PAPOLG: variants seen among roughly 807,000 people sequenced by gnomAD.
The protein encoded by PAPOLG is PAP-gamma.
A neutral mutation model predicts 99.0 loss-of-function variants in PAPOLG; 40 were observed. The observed-to-expected ratio is 0.40, with a 90% CI of 0.31 to 0.53. PAPOLG has a LOEUF of 0.53. Ranked by LOEUF, PAPOLG falls within the 20% of genes least tolerant of loss-of-function variation. The pLI is 0.41. For missense variants in PAPOLG, 675 were observed against 884.1 expected (o/e 0.76, Z 3.00); for synonymous variants, 310 against 299.3 (o/e 1.04, Z -0.37).
At chr2:60,765,972 AACTT>A (rs1387581104) in intron 3 of PAPOLG, among the ~76,000 whole-genome samples, 1 of 152,116 alleles carries the variant, frequency 6.6e-6, no homozygotes, top group Non-Finnish European at 1.5e-5. Context: ...TTAATTTACT[AACTT>A]CTTTCTAGCT....
At chr2:60,778,969 T>C (rs113192745) in intron 8 of PAPOLG, among the ~76,000 whole-genome samples, 312 of 152,140 alleles carry the variant, frequency 2.1e-3, no homozygotes, top group African/African-American at 7.1e-3. Flanking sequence ...ACCCCTGTAA[T>C]CATAGCTACG....
rs1456344524 is a variant in PAPOLG, at chr2:60,772,381, A to C, written c.604+751A>C. ...AGGATCACCTGAGCCCCCGAGGTGGAGGCTGCAGTGAGCCGTGATTACGCC... is the reference window on the plus strand; with the variant it reads ...AGGATCACCTGAGCCCCCGAGGTGGCGGCTGCAGTGAGCCGTGATTACGCC... On this transcript the variant is annotated intron_variant, in intron 7 of 21. Transcript: ENST00000238714. Among the ~76,000 whole-genome samples the C allele has an allele frequency of 4.0e-5, 6 of 148,798 alleles. No individual in the cohort carries two copies. The Admixed American group carries it at 4.1e-4, about 10-fold the overall frequency.
chr2:60,761,688 T>C, intron 2 of PAPOLG, 53 bp from the exon 3 acceptor site: 1 of 1,497,784 alleles, frequency 6.7e-7, no homozygotes, highest in Non-Finnish European at 9.3e-7. Flanking sequence ...TTTTTAAAAA[T>C]ACTGTTTGTT....
chr2:60,765,961 A>T (rs886225637), intron 3 of PAPOLG, among the ~76,000 whole-genome samples: 4 of 152,098 alleles, frequency 2.6e-5, no homozygotes, highest in Non-Finnish European at 5.9e-5. Context: ...AAAAAATCTG[A>T]TTAATTTACT....
chr2:60,758,660 C>A (rs1000760516), intron 1 of PAPOLG, among the ~76,000 whole-genome samples: 2 of 152,052 alleles, frequency 1.3e-5, no homozygotes, highest in Non-Finnish European at 2.9e-5. Flanking sequence ...AACTTCTGAC[C>A]TCAAGTAATC....
chr2:60,795,512 C>T (rs1671669663), intron 21 of PAPOLG, among the ~76,000 whole-genome samples: 1 of 151,992 alleles, frequency 6.6e-6, no homozygotes, highest in Admixed American at 6.6e-5. Flanking sequence ...TGAAGAATTA[C>T]TTTTATAACT....
At chr2:60,780,636 A>G (rs1671159650) in intron 9 of PAPOLG, 71 bp from the exon 10 acceptor site, 2 of 1,451,372 alleles carry the variant, frequency 1.4e-6, no homozygotes, top group South Asian at 2.3e-5. Flanking sequence ...AGAACAATCT[A>G]ATAATTATAA....
intron 1 of PAPOLG, among the ~76,000 whole-genome samples, chr2:60,758,590 G>A (rs1333022549): frequency 6.6e-6 from 1 of 151,924 alleles, no homozygotes; most frequent in East Asian, 1.9e-4. Context: ...ACCATGCCCA[G>A]CTAATTTTTT....
At chr2:60,761,400 G>A (rs1670517660) in intron 2 of PAPOLG, among the ~76,000 whole-genome samples, 1 of 152,128 alleles carries the variant, frequency 6.6e-6, no homozygotes, top group African/African-American at 2.4e-5. Flanking sequence ...TTACCACATT[G>A]TATTGAATTA....
At chr2:60,787,660 GGCT>G (rs2103814233) in intron 15 of PAPOLG, 40 bp downstream of exon 15, 3 of 1,600,972 alleles carry the variant, frequency 1.9e-6, no homozygotes, top group Non-Finnish European at 2.6e-6. Context: ...TCTCAAACCT[GGCT>G]ATTACTCAGT....
At chr2:60,761,559 A>G (rs1670521726) in intron 2 of PAPOLG, 182 bp from the exon 3 acceptor site, 1 of 155,658 alleles carries the variant, frequency 6.4e-6, no homozygotes, top group South Asian at 2.0e-4. Context: ...CCTCTTTGGC[A>G]CTGTTAAGGA....
intron 3 of PAPOLG, among the ~76,000 whole-genome samples, chr2:60,764,370 C>T (rs1670610727): frequency 6.6e-6 from 1 of 152,034 alleles, no homozygotes; most frequent in Non-Finnish European, 1.5e-5. Flanking sequence ...AAGTCCCTTT[C>T]TGCCCCTTAA....
At position 60,782,694 on chromosome 2, in the gene PAPOLG, G is replaced by A; in HGVS notation, c.1036G>A (p.Val346Ile). ...MVEEFKQGLA[V>I]TDEILQGKSD... ...TTTTTTTTTTAATTTAGGTCTTGCA[G>A]TCACAGATGAAATTCTTCAAGGAAA... The change falls in exon 12 of 22, where the codon GTC (valine) becomes ATC (isoleucine). Residue 346 changes from valine to isoleucine, a missense_variant. Transcript: ENST00000238714. 7.4e-7 allele frequency: 1 copy of A among 1,344,588 alleles called. No individual in the cohort carries two copies. Among genetic ancestry groups the A allele is most frequent in the Non-Finnish European group, 9.7e-7 (1 of 1,030,812 alleles). The allele number at this position is 1,344,588 out of a possible 1,614,324, so 83.3% of individuals were successfully genotyped here. A position where few individuals can be genotyped will look rare whatever the true frequency, so the allele number is the denominator to read the frequency against.
At position 60,781,991 on chromosome 2, in the gene PAPOLG, A is replaced by T; in HGVS notation, c.1013A>T (p.Glu338Val). ...VSTSTRTVMVEEFKQGLAVTD... is the reference protein window; with the variant it reads ...VSTSTRTVMVVEFKQGLAVTD... ...ACATCAACTCGAACAGTAATGGTAG[A>T]AGAATTTAAACAAGGTAAACATGTG... The change falls in exon 11 of 22, where the codon GAA becomes GTA. Residue 338 changes from glutamate to valine, a missense_variant. This residue lies in a region of PAPOLG where 113 missense variants were observed against 231.5 expected (regional missense o/e 0.49). Coordinates refer to ENST00000238714, the MANE Select transcript of PAPOLG (RefSeq NM_022894.4). 6.2e-7 allele frequency: 1 copy of T among 1,613,962 alleles called. No individual in the cohort carries two copies. The highest frequency in any genetic ancestry group is 8.5e-7 in the Non-Finnish European group (1 of 1,179,884).
chr2:60,775,019 C>G lies in PAPOLG; in HGVS notation c.605-15C>G. The G allele has an allele frequency of 6.2e-7, 1 of 1,611,778 alleles. No homozygotes were observed. Among genetic ancestry groups the G allele is most frequent in the Non-Finnish European group, 8.5e-7 (1 of 1,179,360 alleles). ...TTTGCTGCATAGTGAAAAATGAATG[C>G]TTTGTCTTTTTCAGGTTGTAGAGTT... On this transcript the variant is annotated splice_polypyrimidine_tract_variant and intron_variant, in intron 7 of 21. Coordinates refer to ENST00000238714, the MANE Select transcript of PAPOLG (RefSeq NM_022894.4).
chr2:60,778,289 G>A (rs1671082286), intron 8 of PAPOLG, among the ~76,000 whole-genome samples: 1 of 151,932 alleles, frequency 6.6e-6, no homozygotes. Context: ...TAGAACTACA[G>A]GCATATGCCA....
At position 60,770,351 on chromosome 2, in the gene PAPOLG, T is replaced by C. The variant is rs556797375; in HGVS notation, c.439-107T>C. ...AAGGATAAAGAAGGGATTACTTCTATGTGGTTAAAATACAAATCGGGAGTA... is the reference window on the plus strand; with the variant it reads ...AAGGATAAAGAAGGGATTACTTCTACGTGGTTAAAATACAAATCGGGAGTA... On this transcript the variant is annotated intron_variant, in intron 5 of 21. Coordinates refer to ENST00000238714, the MANE Select transcript of PAPOLG (RefSeq NM_022894.4). 3.0e-4 allele frequency: 266 copies of C among 890,198 alleles called. 3 individuals carry two copies. In the African/African-American group the frequency reaches 4.0e-3, roughly 13 times the overall value. 55.1% of individuals were successfully genotyped at this position (890,198 alleles called of 1,614,324 possible).
rs1254943824 is a variant in PAPOLG at position 60,801,258 on chromosome 2, A to C, written c.*4098A>C. The stretch of plus-strand genomic sequence containing the variant: ...AATATAAAAGTGATAGTTTAGGGAA[A>C]AAAAAAAACTTTGTATAAATAAAAT... On this transcript the variant is annotated 3_prime_UTR_variant, in exon 22 of 22. Coordinates refer to ENST00000238714, the MANE Select transcript of PAPOLG (RefSeq NM_022894.4). 1 of 152,290 alleles carries C rather than the reference A, an allele frequency of 6.6e-6. No individual in the cohort carries two copies. Among genetic ancestry groups the C allele is most frequent in the Non-Finnish European group, 1.5e-5 (1 of 68,038 alleles). The allele number at this position is 152,290 out of a possible 1,614,324, so 9.4% of individuals were successfully genotyped here.
At chr2:60,769,302 CTT>C (rs745591272) in intron 5 of PAPOLG, among the ~76,000 whole-genome samples, 39 of 152,218 alleles carry the variant, frequency 2.6e-4, no homozygotes, top group Non-Finnish European at 4.6e-4. Context: ...GTTAGTAACT[CTT>C]TATATGTGTA....
Sources: allele counts gnomAD v4.1 joint callset (sites outside exome capture counted in the v4.1 genomes callset), GRCh38; gene constraint gnomAD v4.1.1; regional missense constraint gnomAD v4.1.1; transcripts MANE v1.5; gene names NCBI Gene and HGNC (gene_info 2026-07-23, HGNC 2026-07-21).